CAST: variants seen among roughly 807,000 people sequenced by gnomAD.
CAST encodes the protein MIR583 host.
CAST carries 76 observed loss-of-function variants against 119.6 expected under a neutral mutation model. That is an observed-to-expected ratio of 0.64 (90% CI 0.53 to 0.77). The LOEUF (loss-of-function observed/expected upper bound fraction) is 0.77, where lower values mean the gene tolerates loss of function less well. Ranked by LOEUF, CAST falls within the 30% of genes least tolerant of loss-of-function variation. The pLI, the probability that CAST is intolerant of heterozygous loss-of-function variation, is 0.00. For missense variants in CAST, 953 were observed against 946.5 expected (o/e 1.01, Z -0.09); for synonymous variants, 319 against 331.6 (o/e 0.96, Z 0.41).
At chr5:96,691,876 C>G (rs1752763932) in intron 2 of CAST, among the ~76,000 whole-genome samples, 1 of 152,196 alleles carries the variant, frequency 6.6e-6, no homozygotes, top group Admixed American at 6.5e-5. Flanking sequence ...TGGCTTCACT[C>G]AGGGAGCCTT....
the CAST span, among the ~76,000 whole-genome samples, chr5:96,153,909 A>ATATT: frequency 6.6e-6 from 1 of 152,248 alleles, no homozygotes; most frequent in Admixed American, 6.5e-5. Flanking sequence ...CGTAAGGCAG[A>ATATT]TATTGCATTA....
the CAST span, among the ~76,000 whole-genome samples, chr5:96,254,556 T>C: frequency 4.6e-5 from 7 of 152,174 alleles, no homozygotes; most frequent in Non-Finnish European, 1.0e-4. Context: ...AATTCCTACT[T>C]CCATGTCTAC....
chr5:96,467,093 A>G, the CAST span, among the ~76,000 whole-genome samples: 1 of 152,112 alleles, frequency 6.6e-6, no homozygotes, highest in South Asian at 2.1e-4. Flanking sequence ...GTGACTTTGA[A>G]CATCTTTTTA....
the CAST span, among the ~76,000 whole-genome samples, chr5:95,987,735 A>G: frequency 6.6e-6 from 1 of 152,242 alleles, no homozygotes; most frequent in Non-Finnish European, 1.5e-5. Context: ...GCCATGTGGC[A>G]CACAGTAGAT....
At chr5:96,006,633 A>C in the CAST span, among the ~76,000 whole-genome samples, 6 of 152,142 alleles carry the variant, frequency 3.9e-5, no homozygotes, top group Non-Finnish European at 8.8e-5. Context: ...CAGGGGTGTC[A>C]CTTTGTTCTG....
At chr5:96,061,614 T>C in the CAST span, among the ~76,000 whole-genome samples, 2 of 151,814 alleles carry the variant, frequency 1.3e-5, no homozygotes, top group Non-Finnish European at 2.9e-5. Context: ...CCTCCCAGTA[T>C]GTAGAGTTGT....
intron 1 of CAST, among the ~76,000 whole-genome samples, chr5:96,552,381 A>T (rs1223578299): frequency 2.0e-5 from 3 of 152,250 alleles, no homozygotes; most frequent in Non-Finnish European, 4.4e-5. Flanking sequence ...GAGAACAAAG[A>T]TACAACGTAC....
At chr5:96,750,453 A>C in intron 19 of CAST, 134 bp from the exon 20 acceptor site, 1 of 485,328 alleles carries the variant, frequency 2.1e-6, no homozygotes, top group South Asian at 2.8e-5. Context: ...TTTACTATTT[A>C]GCAATCCTTA....
intron 1 of CAST, among the ~76,000 whole-genome samples, chr5:96,668,783 G>A (rs1186344641): frequency 6.7e-6 from 1 of 150,132 alleles, no homozygotes; most frequent in African/African-American, 2.5e-5. Context: ...CAAAGGGAGT[G>A]TAACATAGGG....
chr5:96,405,756 C>A, the CAST span, among the ~76,000 whole-genome samples: 1 of 152,148 alleles, frequency 6.6e-6, no homozygotes, highest in African/African-American at 2.4e-5. Flanking sequence ...GTTTTAGAAA[C>A]CAAGGATTGC....
At chr5:96,722,553 G>A (rs1758475955) in intron 3 of CAST, 86 bp from the exon 4 acceptor site, 27 of 1,001,086 alleles carry the variant, frequency 2.7e-5, no homozygotes, top group Admixed American at 5.3e-5. Context: ...AAGGGCCAAG[G>A]GCAGTATGGT....
the CAST span, chr5:96,247,809 T>C: frequency 6.6e-6 from 1 of 152,236 alleles, no homozygotes; most frequent in Non-Finnish European, 1.5e-5. Context: ...TACAGTGTTA[T>C]CTTATAGAAG....
chr5:96,353,875 C>T, the CAST span, among the ~76,000 whole-genome samples: 1 of 152,292 alleles, frequency 6.6e-6, no homozygotes, highest in South Asian at 2.1e-4. Context: ...CCTTATCTAT[C>T]TATCTGTCTC....
At chr5:96,669,374 T>G (rs186661495) in intron 1 of CAST, among the ~76,000 whole-genome samples, 2 of 152,346 alleles carry the variant, frequency 1.3e-5, no homozygotes, top group African/African-American at 4.8e-5. Context: ...TTTACTGATC[T>G]GAAAAGAGCA....
chr5:96,405,269 T>C, the CAST span, among the ~76,000 whole-genome samples: 1 of 152,218 alleles, frequency 6.6e-6, no homozygotes, highest in Non-Finnish European at 1.5e-5. Context: ...TCATAGACTC[T>C]TAATATCTCT....
chr5:96,293,966 G>C, the CAST span, among the ~76,000 whole-genome samples: 10 of 151,848 alleles, frequency 6.6e-5, no homozygotes, highest in Non-Finnish European at 1.3e-4. Flanking sequence ...CACCATGTTG[G>C]CCAGGCTGGT....
the CAST span, among the ~76,000 whole-genome samples, chr5:96,510,501 G>T: frequency 6.6e-6 from 1 of 152,036 alleles, no homozygotes; most frequent in South Asian, 2.1e-4. Context: ...TTTTCCCACC[G>T]ATCTTGTTTT....
chr5:96,579,525 G>T (rs989196163), intron 1 of CAST, among the ~76,000 whole-genome samples: 3 of 152,100 alleles, frequency 2.0e-5, no homozygotes, highest in Non-Finnish European at 2.9e-5. Context: ...GGAGAGAAAT[G>T]AGCCAACTTG....
chr5:96,022,212 A>G, the CAST span, among the ~76,000 whole-genome samples: 1 of 152,164 alleles, frequency 6.6e-6, no homozygotes, highest in African/African-American at 2.4e-5. Flanking sequence ...TTTTCCATGG[A>G]TACCAAGGAC....
Sources: allele counts gnomAD v4.1 joint callset (sites outside exome capture counted in the v4.1 genomes callset), GRCh38; gene constraint gnomAD v4.1.1; transcripts MANE v1.5; gene names NCBI Gene and HGNC (gene_info 2026-07-23, HGNC 2026-07-21).